SIPA1L3: variants seen among roughly 807,000 people sequenced by gnomAD.
The protein encoded by SIPA1L3 is signal induced proliferation associated 1 like 3.
SIPA1L3 carries 59 observed loss-of-function variants against 150.1 expected under a neutral mutation model. The ratio of observed to expected loss-of-function variants is 0.39; its 90% confidence interval spans 0.32 to 0.49. The LOEUF is 0.49. Among genes scored for constraint, SIPA1L3 ranks in the 20% least tolerant of loss-of-function variants. The probability of loss-of-function intolerance (pLI) is 0.86; values close to 1 mark genes in which losing one functional copy is unlikely to be tolerated. For synonymous variants in SIPA1L3, 1,070 were observed against 1,077.6 expected, an observed-to-expected ratio of 0.99 and a Z score of 0.14; for missense variants, 2,211 against 2,489.5, an observed-to-expected ratio of 0.89 and a Z score of 2.38.
intron 2 of SIPA1L3, among the ~76,000 whole-genome samples, chr19:38,062,576 G>A (rs984096784): frequency 6.6e-6 from 1 of 152,072 alleles, no homozygotes; most frequent in Admixed American, 6.6e-5. Context: ...TTGGGCTCAT[G>A]GTTCTGTAAA....
intron 1 of SIPA1L3, among the ~76,000 whole-genome samples, chr19:37,957,334 A>C (rs1156858332): frequency 6.6e-6 from 1 of 152,162 alleles, no homozygotes; most frequent in Admixed American, 6.5e-5. Flanking sequence ...GATTTGATAG[A>C]CTGTGTGTTG....
At chr19:38,016,647 C>T (rs1279973421) in intron 1 of SIPA1L3, among the ~76,000 whole-genome samples, 1 of 152,092 alleles carries the variant, frequency 6.6e-6, no homozygotes, top group African/African-American at 2.4e-5. Context: ...CACATGCCAC[C>T]ACGCTCAGCT....
At chr19:38,161,896 G>A (rs1023645774) in intron 13 of SIPA1L3, among the ~76,000 whole-genome samples, 14 of 150,780 alleles carry the variant, frequency 9.3e-5, no homozygotes, top group Non-Finnish European at 1.8e-4. Context: ...AAAAAAATTA[G>A]CCAAGCATGG....
At chr19:38,106,359 A>G (rs1479766417) in intron 6 of SIPA1L3, 178 bp from the exon 7 acceptor site, 4 of 549,104 alleles carry the variant, frequency 7.3e-6, no homozygotes, top group Non-Finnish European at 1.3e-5. Context: ...CACCTGCCTC[A>G]GCCTCCCAAA....
intron 1 of SIPA1L3, among the ~76,000 whole-genome samples, chr19:37,925,076 G>T (rs780371450): frequency 6.6e-6 from 1 of 151,548 alleles, no homozygotes; most frequent in Non-Finnish European, 1.5e-5. Flanking sequence ...ATTATGTACT[G>T]TACATGATTG....
At chr19:37,941,862 T>G (rs1354482908) in intron 1 of SIPA1L3, among the ~76,000 whole-genome samples, 2 of 152,212 alleles carry the variant, frequency 1.3e-5, no homozygotes, top group African/African-American at 2.4e-5. Flanking sequence ...TCTACTCCAT[T>G]GCAGAGGCAA....
chr19:37,992,890 T>C (rs1967546767), intron 1 of SIPA1L3, among the ~76,000 whole-genome samples: 1 of 152,166 alleles, frequency 6.6e-6, no homozygotes, highest in Non-Finnish European at 1.5e-5. Context: ...TCAGGTCGCC[T>C]ACGTGCTGGC....
chr19:38,155,901 C>T (rs565167135), intron 13 of SIPA1L3, among the ~76,000 whole-genome samples: 15 of 152,098 alleles, frequency 9.9e-5, no homozygotes, highest in African/African-American at 3.6e-4. Context: ...GCCAACTTGG[C>T]GAAACCCCTT....
chr19:38,201,434 G>A (rs1973084636), intron 19 of SIPA1L3, among the ~76,000 whole-genome samples: 2 of 152,228 alleles, frequency 1.3e-5, no homozygotes, highest in Admixed American at 1.3e-4. Flanking sequence ...TTCCTCCGAA[G>A]GAGAGCGAAT....
At chr19:37,915,390 TG>T (rs1268345705) in intron 1 of SIPA1L3, among the ~76,000 whole-genome samples, 17 of 152,080 alleles carry the variant, frequency 1.1e-4, no homozygotes, top group Admixed American at 1.0e-3. Context: ...TGTTTGTTTT[TG>T]TTTTTTTTGA....
chr19:38,057,148 G>A (rs577912508), intron 2 of SIPA1L3, among the ~76,000 whole-genome samples: 4 of 152,146 alleles, frequency 2.6e-5, no homozygotes, highest in African/African-American at 9.6e-5. Flanking sequence ...GTGGGCGCCT[G>A]TAATCCCAGC....
intron 1 of SIPA1L3, among the ~76,000 whole-genome samples, chr19:38,012,254 A>AT (rs370056020): frequency 8.1e-5 from 12 of 148,412 alleles, no homozygotes; most frequent in Admixed American, 2.0e-4. Flanking sequence ...TCCAGCTGAT[A>AT]TTTTTTTTTT....
intron 5 of SIPA1L3, 24 bp downstream of exon 5, chr19:38,100,174 G>T: frequency 1.3e-6 from 2 of 1,516,518 alleles, no homozygotes; most frequent in Non-Finnish European, 1.8e-6. Flanking sequence ...TGGAGGTGGG[G>T]GTGCTGCTGG....
chr19:38,136,046 G>T (rs77882137), intron 10 of SIPA1L3, among the ~76,000 whole-genome samples: 4,152 of 151,372 alleles, frequency 0.027, 90 homozygotes, highest in Non-Finnish European at 0.041. Flanking sequence ...TTTTGTTTGG[G>T]TTTTTTTGTT....
At chr19:37,995,602 G>A (rs943471132) in intron 1 of SIPA1L3, among the ~76,000 whole-genome samples, 2 of 152,180 alleles carry the variant, frequency 1.3e-5, no homozygotes, top group South Asian at 2.1e-4. Flanking sequence ...GCTGGCCTTC[G>A]AAAGGTTAGT....
At chr19:38,179,302 C>T (rs1389963273) in intron 15 of SIPA1L3, among the ~76,000 whole-genome samples, 5 of 152,130 alleles carry the variant, frequency 3.3e-5, no homozygotes, top group African/African-American at 1.2e-4. Context: ...ATTAGCTGGG[C>T]GTGGTGGCAT....
intron 1 of SIPA1L3, among the ~76,000 whole-genome samples, chr19:37,954,878 G>C (rs1259956429): frequency 6.6e-6 from 1 of 152,106 alleles, no homozygotes; most frequent in Non-Finnish European, 1.5e-5. Flanking sequence ...CTTGAGGCCA[G>C]GAGTTCGAGA....
At chr19:38,048,017 A>G (rs1969100476) in intron 2 of SIPA1L3, among the ~76,000 whole-genome samples, 1 of 152,166 alleles carries the variant, frequency 6.6e-6, no homozygotes, top group Admixed American at 6.5e-5. Context: ...TGCACAGAGA[A>G]TCGTGCGTGT....
At chr19:37,986,745 G>A (rs1194251794) in intron 1 of SIPA1L3, among the ~76,000 whole-genome samples, 6 of 152,158 alleles carry the variant, frequency 3.9e-5, no homozygotes, top group African/African-American at 1.4e-4. Flanking sequence ...CTCTTCCTGT[G>A]TAAAGGGCCT....
Sources: allele counts gnomAD v4.1 joint callset (sites outside exome capture counted in the v4.1 genomes callset), GRCh38; gene constraint gnomAD v4.1.1; transcripts MANE v1.5; gene names NCBI Gene and HGNC (gene_info 2026-07-23, HGNC 2026-07-21).